BAZ1A: variants seen among roughly 807,000 people sequenced by gnomAD.
BAZ1A encodes the protein bromodomain adjacent to zinc finger domain protein 1A.
In BAZ1A, 50 loss-of-function variants were observed where a neutral mutation model predicts 185.2. The ratio of observed to expected loss-of-function variants is 0.27; its 90% CI spans 0.22 to 0.34. The LOEUF (loss-of-function observed/expected upper bound fraction) is 0.34, where lower values mean the gene tolerates loss of function less well. Ranked by LOEUF, BAZ1A falls within the 10% of genes least tolerant of loss-of-function variation. The pLI, the probability that BAZ1A is intolerant of heterozygous loss-of-function variation, is 1.00. For missense variants in BAZ1A, 1,356 were observed against 1,839.9 expected, an observed-to-expected ratio of 0.74 and a Z score of 4.81; for synonymous variants, 571 against 615.6, an observed-to-expected ratio of 0.93 and a Z score of 1.07.
intron 1 of BAZ1A, 34 bp downstream of exon 1, chr14:34,875,104 C>T (rs983297564): frequency 6.1e-5 from 22 of 363,458 alleles, no homozygotes; most frequent in Admixed American, 7.1e-5. Context: ...TCCACTTCCC[C>T]GCCGGCGCCG....
At chr14:34,843,350 C>T (rs1210572579) in intron 3 of BAZ1A, among the ~76,000 whole-genome samples, 1 of 152,186 alleles carries the variant, frequency 6.6e-6, no homozygotes, top group Non-Finnish European at 1.5e-5. Flanking sequence ...CACGCTGAGG[C>T]TTGTACTTTC....
At position 34,874,564 on chromosome 14, in the gene BAZ1A, G is replaced by A. The variant is rs1448295109; in HGVS notation, c.41C>T (p.Pro14Leu). ...LHRKPFVRQK[P>L]PADLRPDEEV... ...CTCGTCGGGCCGCAGGTCCGCGGGC[G>A]GCTTCTGTCTCACAAACGGCTTTCG... The change falls in exon 2 of 27, where the codon CCG becomes CTG. Residue 14 changes from proline (P) to leucine (L), a missense_variant. By Grantham distance (98) the Pro-to-Leu change is moderately conservative. Transcript: ENST00000360310. This position sits in a 1 kb window ranked among gnomAD's most constrained non-coding sequence, Gnocchi z 4.7. 3 of 1,611,574 alleles carry A rather than the reference G, an allele frequency of 1.9e-6. No individual in the cohort carries two copies. Among genetic ancestry groups the A allele is most frequent in the Non-Finnish European group, 2.5e-6 (3 of 1,179,022 alleles).
intron 12 of BAZ1A, among the ~76,000 whole-genome samples, chr14:34,792,354 C>T (rs964911105): frequency 5.9e-5 from 9 of 151,466 alleles, no homozygotes; most frequent in Non-Finnish European, 1.3e-4. Flanking sequence ...CAACGCACTC[C>T]AGCCTGGCAA....
At chr14:34,825,191 C>T (rs1566582044) in intron 4 of BAZ1A, among the ~76,000 whole-genome samples, 1 of 152,228 alleles carries the variant, frequency 6.6e-6, no homozygotes, top group East Asian at 1.9e-4. Context: ...TGGTGGCTCA[C>T]GCCTGTAATC....
chr14:34,807,391 T>G, intron 6 of BAZ1A, 60 bp downstream of exon 6: 1 of 1,255,966 alleles, frequency 8.0e-7, no homozygotes, highest in Non-Finnish European at 1.1e-6. Context: ...ATGTTATAAC[T>G]TTATAACACT....
At chr14:34,847,133 C>T (rs562184006) in intron 3 of BAZ1A, among the ~76,000 whole-genome samples, 1 of 151,872 alleles carries the variant, frequency 6.6e-6, no homozygotes, top group Admixed American at 6.6e-5. Flanking sequence ...TGCCTGTAAT[C>T]CCAGCTATTT....
intron 2 of BAZ1A, among the ~76,000 whole-genome samples, chr14:34,871,734 G>A (rs990749998): frequency 2.6e-5 from 4 of 152,210 alleles, no homozygotes; most frequent in African/African-American, 7.2e-5. Flanking sequence ...TTAGCTGGGC[G>A]TGGTGGCAGG....
intron 9 of BAZ1A, among the ~76,000 whole-genome samples, chr14:34,797,853 C>T (rs967349376): frequency 2.0e-5 from 3 of 152,140 alleles, no homozygotes; most frequent in Admixed American, 6.5e-5. Context: ...CAGGGCGGGC[C>T]GAAGCAGGGC....
chr14:34,777,371 C>T (rs1011954267), intron 17 of BAZ1A, among the ~76,000 whole-genome samples: 2 of 152,190 alleles, frequency 1.3e-5, no homozygotes, highest in African/African-American at 2.4e-5. Flanking sequence ...CCGGCTGGCG[C>T]GGTGGCCCAT....
rs767478696 is a variant in BAZ1A at position 34,762,138 on chromosome 14, G to T, written c.3862C>A (p.Gln1288Lys). Reference protein sequence around the residue: ...LSSSFSSRGQQQEPGRYPSRS... With the variant: ...LSSSFSSRGQKQEPGRYPSRS... ...GAAGGGTATCTTCCAGGTTCTTGTTGTTGGCCACGACTTGAGAAAGAAGAG... is the reference window on the plus strand; with the variant it reads ...GAAGGGTATCTTCCAGGTTCTTGTTTTTGGCCACGACTTGAGAAAGAAGAG... The change falls in exon 24 of 27, where the codon CAA becomes AAA. Residue 1288 changes from glutamine (Q) to lysine (K), a missense_variant. Around this residue, in one of 7 missense-constraint regions of BAZ1A, gnomAD observed 309 missense variants for 355.3 expected, o/e 0.87. Transcript: ENST00000360310. The T allele has an allele frequency of 6.2e-6, 10 of 1,614,064 alleles. No homozygotes were observed. The highest frequency in any genetic ancestry group is 4.0e-5 in the African/African-American group (3 of 74,928).
chr14:34,772,510 T>C (rs1225322546), intron 20 of BAZ1A, among the ~76,000 whole-genome samples: 4 of 152,204 alleles, frequency 2.6e-5, no homozygotes, highest in East Asian at 1.9e-4. Context: ...TGTTCCCTTC[T>C]AGATGACAAA....
chr14:34,862,283 C>A lies in BAZ1A; in HGVS notation c.153G>T (p.Val51=), dbSNP rs778405404. 1 of 1,614,082 alleles carries A rather than the reference C, an allele frequency of 6.2e-7. No individual in the cohort carries two copies. The highest frequency in any genetic ancestry group is 1.1e-5 in the South Asian group (1 of 91,074). ...GTCTACCCGTCACAGCACAACTCCA[C>A]ACAAGGCTGTTGCACAGAATGGTTC... ...FERTILCNSL[V]WSCAVTGRPG... Residue 51 remains valine, a synonymous_variant, in exon 3 of 27, where the codon GTG becomes GTT. Transcript: ENST00000360310.
chr14:34,784,884 T>C (rs1880331693), intron 14 of BAZ1A, among the ~76,000 whole-genome samples: 1 of 151,936 alleles, frequency 6.6e-6, no homozygotes, highest in Non-Finnish European at 1.5e-5. Context: ...TGAGACGGAG[T>C]CTTGCTGTGT....
intron 9 of BAZ1A, among the ~76,000 whole-genome samples, chr14:34,799,800 T>C (rs1594853322): frequency 6.6e-6 from 1 of 152,044 alleles, no homozygotes; most frequent in African/African-American, 2.4e-5. Context: ...TTAGTAGAGA[T>C]GGGGTTTCAC....
At position 34,811,052 on chromosome 14, in the gene BAZ1A, A is replaced by G. The variant is rs112885627; in HGVS notation, c.537-16T>C. 37 of 1,469,552 alleles carry G rather than the reference A, an allele frequency of 2.5e-5. No individual in the cohort carries two copies. The African/African-American group carries it at 2.5e-4, about 10-fold the overall frequency. The allele number at this position is 1,469,552 out of a possible 1,614,324, so 91.0% of individuals were successfully genotyped here. A position where few individuals can be genotyped will look rare whatever the true frequency, so the allele number is the denominator to read the frequency against. Reference sequence around the variant, plus strand: ...TTTTTTCTTCCTAAAAAGAAGAGGGAAAAGACACAAATCAGTTAATAATTT... The same window carrying G: ...TTTTTTCTTCCTAAAAAGAAGAGGGGAAAGACACAAATCAGTTAATAATTT... On this transcript the variant is annotated splice_polypyrimidine_tract_variant and intron_variant, in intron 4 of 26. Coordinates refer to ENST00000360310, the MANE Select transcript of BAZ1A (RefSeq NM_013448.3).
At chr14:34,817,275 A>C (rs1423239351) in intron 4 of BAZ1A, among the ~76,000 whole-genome samples, 2 of 151,576 alleles carry the variant, frequency 1.3e-5, no homozygotes, top group African/African-American at 4.8e-5. Flanking sequence ...TCTGGTGGTC[A>C]GAATATATTA....
At chr14:34,844,425 T>C (rs117282717) in intron 3 of BAZ1A, among the ~76,000 whole-genome samples, 6,674 of 152,062 alleles carry the variant, frequency 0.044, 228 homozygotes, top group East Asian at 0.18. Context: ...AGAGTTAATA[T>C]TGTTAAAATG....
intron 2 of BAZ1A, among the ~76,000 whole-genome samples, chr14:34,873,476 G>C (rs1023088544): frequency 1.3e-5 from 2 of 152,152 alleles, no homozygotes; most frequent in African/African-American, 4.8e-5. Flanking sequence ...TTAAGCGACG[G>C]GCTGAAAATG....
intron 7 of BAZ1A, among the ~76,000 whole-genome samples, chr14:34,801,409 A>T (rs1433948604): frequency 6.6e-6 from 1 of 152,004 alleles, no homozygotes; most frequent in Non-Finnish European, 1.5e-5. Context: ...CTTCTCCCTC[A>T]GCCTCTCGAG....
Sources: allele counts gnomAD v4.1 joint callset (sites outside exome capture counted in the v4.1 genomes callset), GRCh38; gene constraint gnomAD v4.1.1; regional missense constraint gnomAD v4.1.1; non-coding constraint Gnocchi (gnomAD v3.1); transcripts MANE v1.5; gene names NCBI Gene and HGNC (gene_info 2026-07-23, HGNC 2026-07-21).